PTPN1: variants seen among roughly 807,000 people sequenced by gnomAD.
The protein encoded by PTPN1 is tyrosine-protein phosphatase non-receptor type 1.
PTPN1 carries 12 observed loss-of-function variants against 59.9 expected under a neutral mutation model. That is an observed-to-expected ratio of 0.20 (90% CI 0.13 to 0.32). The LOEUF (loss-of-function observed/expected upper bound fraction) is 0.32, where lower values mean the gene tolerates loss of function less well. Ranked by LOEUF, PTPN1 falls within the 10% of genes least tolerant of loss-of-function variation. The pLI is 1.00. For synonymous variants in PTPN1, 178 were observed against 203.6 expected (o/e 0.87, Z 1.07); for missense variants, 356 against 549.2 (o/e 0.65, Z 3.52).
At chr20:50,522,879 G>A (rs1391736321) in intron 1 of PTPN1, among the ~76,000 whole-genome samples, 1 of 151,600 alleles carries the variant, frequency 6.6e-6, no homozygotes, top group Non-Finnish European at 1.5e-5. Context: ...TCAGCCTCCC[G>A]AGTAGCTGGG....
chr20:50,576,210 T>C (rs888463936), intron 5 of PTPN1, among the ~76,000 whole-genome samples: 1 of 152,212 alleles, frequency 6.6e-6, no homozygotes, highest in African/African-American at 2.4e-5. Context: ...ATTTATGCAG[T>C]AGCCTTTTAA....
At position 50,568,403 on chromosome 20, in the gene PTPN1, T is replaced by C. The variant is rs1468494752; in HGVS notation, c.279T>C (p.Gly93=). ...AGGGCCCTTTGCCTAACACATGCGGTCACTTTTGGGAGATGGTGTGGGAGC... is the reference window on the plus strand; with the variant it reads ...AGGGCCCTTTGCCTAACACATGCGGCCACTTTTGGGAGATGGTGTGGGAGC... The part of the protein sequence containing the change: ...LTQGPLPNTC[G]HFWEMVWEQK... Residue 93 remains glycine, a synonymous_variant, in exon 4 of 10, where the codon GGT becomes GGC. Coordinates refer to ENST00000371621, the MANE Select transcript of PTPN1 (RefSeq NM_002827.4). This position sits in a 1 kb window ranked among gnomAD's most constrained non-coding sequence, Gnocchi z 5.6. The C allele has an allele frequency of 1.1e-5, 17 of 1,614,118 alleles. No homozygotes were observed. The highest frequency in any genetic ancestry group is 1.3e-5 in the African/African-American group (1 of 75,044).
chr20:50,559,945 G>A (rs745973674), intron 1 of PTPN1, among the ~76,000 whole-genome samples: 73 of 151,642 alleles, frequency 4.8e-4, no homozygotes, highest in Admixed American at 9.2e-4. Flanking sequence ...ACCTGCATGT[G>A]GTGGAGAGTA....
chr20:50,580,433 C>T (rs1432094560), intron 8 of PTPN1, among the ~76,000 whole-genome samples: 1 of 152,164 alleles, frequency 6.6e-6, no homozygotes, highest in African/African-American at 2.4e-5. Context: ...GAACATGTCC[C>T]CTGGTCTGTG....
At chr20:50,527,000 A>G (rs2082579172) in intron 1 of PTPN1, among the ~76,000 whole-genome samples, 1 of 152,140 alleles carries the variant, frequency 6.6e-6, no homozygotes, top group African/African-American at 2.4e-5. Context: ...CTTACCTGCC[A>G]TCCTTTCCAC....
At chr20:50,561,599 A>G (rs2082752740) in intron 2 of PTPN1, 146 bp downstream of exon 2, 1 of 521,026 alleles carries the variant, frequency 1.9e-6, no homozygotes, top group Non-Finnish European at 3.3e-6. Flanking sequence ...TAGTAAAGGC[A>G]TTAGAGACTT....
At chr20:50,533,075 C>T (rs2082608487) in intron 1 of PTPN1, among the ~76,000 whole-genome samples, 1 of 151,286 alleles carries the variant, frequency 6.6e-6, no homozygotes, top group Non-Finnish European at 1.5e-5. Flanking sequence ...TGGTCTACAA[C>T]TGAATATCCT....
At chr20:50,516,281 C>G (rs1377455340) in intron 1 of PTPN1, among the ~76,000 whole-genome samples, 3 of 151,830 alleles carry the variant, frequency 2.0e-5, no homozygotes, top group Admixed American at 6.6e-5. Flanking sequence ...GATCAGACCA[C>G]CCTTAGGGGC....
At chr20:50,525,389 A>G (rs1163829981) in intron 1 of PTPN1, among the ~76,000 whole-genome samples, 3 of 152,246 alleles carry the variant, frequency 2.0e-5, no homozygotes, top group Non-Finnish European at 4.4e-5. Context: ...TACAAAAATT[A>G]TGTTGATTAA....
intron 2 of PTPN1, among the ~76,000 whole-genome samples, chr20:50,564,339 T>C (rs2082768814): frequency 6.6e-6 from 1 of 152,198 alleles, no homozygotes; most frequent in African/African-American, 2.4e-5. Flanking sequence ...ACACTTGTAA[T>C]CCCAGCACTT....
At chr20:50,563,909 C>A (rs2082765845) in intron 2 of PTPN1, among the ~76,000 whole-genome samples, 1 of 152,020 alleles carries the variant, frequency 6.6e-6, no homozygotes, top group Non-Finnish European at 1.5e-5. Flanking sequence ...ATTTTAGTGA[C>A]CTGGGGCAGG....
rs116754587 is a variant in PTPN1, at chr20:50,526,327, C to T, written c.63+15737C>T. 6.8e-3 allele frequency among the ~76,000 whole-genome samples: 1,036 copies of T among 152,150 alleles called. 8 individuals are homozygous for T. The highest frequency in any genetic ancestry group is 0.024 in the African/African-American group (994 of 41,494). On this transcript the variant is annotated intron_variant, in intron 1 of 9. Coordinates refer to ENST00000371621, the MANE Select transcript of PTPN1 (RefSeq NM_002827.4). ...AACTCCTAAACTCAAGTGATCCTCCCGCCTCGGGCTCCCAAAATGCTGGGA... is the reference window on the plus strand; with the variant it reads ...AACTCCTAAACTCAAGTGATCCTCCTGCCTCGGGCTCCCAAAATGCTGGGA...
At chr20:50,562,201 C>T (rs144226147) in intron 2 of PTPN1, among the ~76,000 whole-genome samples, 56 of 152,316 alleles carry the variant, frequency 3.7e-4, no homozygotes, top group African/African-American at 1.3e-3. Flanking sequence ...GGGGTCGTAG[C>T]TGCCAGTGTC....
chr20:50,556,447 C>T (rs998647741), intron 1 of PTPN1, among the ~76,000 whole-genome samples: 3 of 152,076 alleles, frequency 2.0e-5, no homozygotes, highest in African/African-American at 7.2e-5. Context: ...CACCTCGGCT[C>T]CCAAAGTGCT....
chr20:50,538,857 G>A (rs2082635508), intron 1 of PTPN1, among the ~76,000 whole-genome samples: 1 of 151,910 alleles, frequency 6.6e-6, no homozygotes, highest in African/African-American at 2.4e-5. Context: ...AGTATTCCTA[G>A]CTGCTACCTA....
In PTPN1 at chr20:50,584,377, T is replaced by C. The variant is rs1385456936; in HGVS notation, c.*1662T>C. 6.6e-6 allele frequency: 1 copy of C among 152,558 alleles called. No individual in the cohort carries two copies. Among genetic ancestry groups the C allele is most frequent in the African/African-American group, 2.4e-5 (1 of 41,432 alleles). 9.5% of individuals were successfully genotyped at this position (152,558 alleles called of 1,614,324 possible). A position where few individuals can be genotyped will look rare whatever the true frequency, so the allele number is the denominator to read the frequency against. On this transcript the variant is annotated 3_prime_UTR_variant, in exon 10 of 10. Coordinates refer to ENST00000371621, the MANE Select transcript of PTPN1 (RefSeq NM_002827.4). The stretch of plus-strand genomic sequence containing the variant: ...TTTGGGTGTGTATATATAGTAGCAT[T>C]TCAAAATGGACGTACTGGTTTAACC...
intron 1 of PTPN1, among the ~76,000 whole-genome samples, chr20:50,550,773 C>T (rs1317526623): frequency 6.6e-6 from 1 of 152,216 alleles, no homozygotes; most frequent in Non-Finnish European, 1.5e-5. Context: ...CACTTCTTCT[C>T]AGACTCCTGG....
At chr20:50,566,268 A>G (rs1016867744) in intron 3 of PTPN1, among the ~76,000 whole-genome samples, 3 of 152,206 alleles carry the variant, frequency 2.0e-5, no homozygotes, top group Non-Finnish European at 4.4e-5. Context: ...GGAGAAGTCA[A>G]ATTTCCTACT....
chr20:50,553,225 A>C (rs1443915665), intron 1 of PTPN1, among the ~76,000 whole-genome samples: 1 of 152,218 alleles, frequency 6.6e-6, no homozygotes, highest in African/African-American at 2.4e-5. Flanking sequence ...ACTAATACGA[A>C]AACTATAGAG....
Sources: allele counts gnomAD v4.1 joint callset (sites outside exome capture counted in the v4.1 genomes callset), GRCh38; gene constraint gnomAD v4.1.1; non-coding constraint Gnocchi (gnomAD v3.1); transcripts MANE v1.5; gene names NCBI Gene and HGNC (gene_info 2026-07-23, HGNC 2026-07-21).